TAF15: variants seen among roughly 807,000 people sequenced by gnomAD.
TAF15 encodes the protein TATA-box binding protein associated factor 15, also known as TATA-binding protein-associated factor 2N.
Under a neutral mutation model 102.5 loss-of-function variants are expected in TAF15, and 37 were observed. The observed-to-expected ratio is 0.36, with a 90% CI of 0.28 to 0.47. The LOEUF is 0.47. Among genes scored for constraint, TAF15 ranks in the 20% least tolerant of loss-of-function variants. The pLI, the probability that TAF15 is intolerant of heterozygous loss-of-function variation, is 0.99. For synonymous variants in TAF15, 273 were observed against 259.2 expected, an observed-to-expected ratio of 1.05 and a Z score of -0.51; for missense variants, 652 against 760.7, an observed-to-expected ratio of 0.86 and a Z score of 1.68.
intron 7 of TAF15, among the ~76,000 whole-genome samples, chr17:35,831,086 T>C (rs925052884): frequency 2.6e-5 from 4 of 152,158 alleles, no homozygotes; most frequent in African/African-American, 9.7e-5. Flanking sequence ...GCTGCTTTAT[T>C]TTCAAAGGAA....
chr17:35,829,692 G>T (rs137898950), intron 7 of TAF15, among the ~76,000 whole-genome samples: 16 of 138,368 alleles, frequency 1.2e-4, no homozygotes, highest in Non-Finnish European at 2.0e-4. Flanking sequence ...TTCTGTCAAA[G>T]AACTTTTTCT....
At chr17:35,819,450 C>T (rs1229324637) in intron 2 of TAF15, among the ~76,000 whole-genome samples, 2 of 152,142 alleles carry the variant, frequency 1.3e-5, no homozygotes, top group African/African-American at 4.8e-5. Flanking sequence ...GGCCCTGCTA[C>T]AATACTGAGG....
chr17:35,824,269 G>A (rs2087299667), intron 7 of TAF15, 71 bp downstream of exon 7: 1 of 1,578,658 alleles, frequency 6.3e-7, no homozygotes, highest in South Asian at 1.1e-5. Flanking sequence ...GTGTTACTTG[G>A]CTGGATCAAT....
At chr17:35,810,766 C>T (rs773247780) in intron 1 of TAF15, 2 of 152,136 alleles carry the variant, frequency 1.3e-5, no homozygotes, top group Non-Finnish European at 2.9e-5. Flanking sequence ...AATGAAGCAT[C>T]GATCTGAGAA....
At chr17:35,825,811 G>A (rs1743852950) in intron 7 of TAF15, among the ~76,000 whole-genome samples, 1 of 152,224 alleles carries the variant, frequency 6.6e-6, no homozygotes, top group East Asian at 1.9e-4. Flanking sequence ...AGCCAGACGT[G>A]GTGGCAGGCG....
chr17:35,826,359 T>A (rs2087326292), intron 7 of TAF15, among the ~76,000 whole-genome samples: 1 of 152,140 alleles, frequency 6.6e-6, no homozygotes, highest in Non-Finnish European at 1.5e-5. Context: ...TGCCGATTAC[T>A]CTTTATATTG....
intron 7 of TAF15, among the ~76,000 whole-genome samples, chr17:35,830,766 A>G (rs952695370): frequency 6.6e-6 from 1 of 152,232 alleles, no homozygotes; most frequent in Non-Finnish European, 1.5e-5. Context: ...AAATGTGCAT[A>G]TGAATTACTT....
chr17:35,811,193 T>C (rs180994004), intron 1 of TAF15: 32 of 152,364 alleles, frequency 2.1e-4, no homozygotes, highest in Non-Finnish European at 1.5e-5. Flanking sequence ...ATTATTGATA[T>C]AAAACAATGG....
At chr17:35,843,542 C>T (rs983754312) in intron 12 of TAF15, among the ~76,000 whole-genome samples, 2 of 152,038 alleles carry the variant, frequency 1.3e-5, no homozygotes, top group Non-Finnish European at 2.9e-5. Context: ...TGTCTTCTCA[C>T]CTAATCTTCT....
intron 7 of TAF15, among the ~76,000 whole-genome samples, chr17:35,828,436 A>G (rs879103382): frequency 1.3e-5 from 2 of 152,234 alleles, no homozygotes; most frequent in Non-Finnish European, 2.9e-5. Flanking sequence ...TGCAATCAAT[A>G]TAAAAAATTT....
At chr17:35,822,359 A>C (rs2087271444) in intron 5 of TAF15, among the ~76,000 whole-genome samples, 1 of 151,940 alleles carries the variant, frequency 6.6e-6, no homozygotes, top group South Asian at 2.1e-4. Context: ...AAAAAAAAAA[A>C]AAAGTTCAAG....
At chr17:35,811,405 A>T (rs1196941045) in intron 1 of TAF15, 1 of 152,244 alleles carries the variant, frequency 6.6e-6, no homozygotes, top group Non-Finnish European at 1.5e-5. Context: ...GCTACTTACT[A>T]GACGCTTGTT....
intron 6 of TAF15, 62 bp from the exon 7 acceptor site, chr17:35,824,016 T>A: frequency 1.2e-6 from 2 of 1,607,768 alleles, no homozygotes; most frequent in Non-Finnish European, 1.7e-6. Context: ...CCATTTAACA[T>A]TGTTATTTGA....
At chr17:35,843,694 A>G (rs893104495) in intron 12 of TAF15, among the ~76,000 whole-genome samples, 2 of 152,196 alleles carry the variant, frequency 1.3e-5, no homozygotes, top group African/African-American at 4.8e-5. Context: ...GAAGCATTTC[A>G]GGTTTTGGGT....
At chr17:35,829,322 A>T (rs181528948) in intron 7 of TAF15, among the ~76,000 whole-genome samples, 4 of 150,448 alleles carry the variant, frequency 2.7e-5, no homozygotes, top group African/African-American at 7.3e-5. Context: ...TTTTATTTTT[A>T]TTATTTTTTT....
chr17:35,845,371 C>T (rs146263188), intron 15 of TAF15, among the ~76,000 whole-genome samples: 121 of 152,312 alleles, frequency 7.9e-4, no homozygotes, highest in African/African-American at 2.6e-3. Context: ...ACTCCTGCCT[C>T]AGTCTCCCAA....
intron 9 of TAF15, among the ~76,000 whole-genome samples, chr17:35,835,485 G>A (rs748656354): frequency 5.3e-5 from 8 of 152,190 alleles, no homozygotes; most frequent in East Asian, 1.9e-4. Flanking sequence ...CTAAAAATTT[G>A]AAATCAGAAC....
intron 1 of TAF15, chr17:35,810,489 A>G (rs1289559169): frequency 6.6e-6 from 1 of 152,216 alleles, no homozygotes; most frequent in African/African-American, 2.4e-5. Flanking sequence ...GATTTAGCAG[A>G]TCTAGCTGTT....
Position 35,820,182 on chromosome 17 carries a change from C to G in TAF15, c.118C>G (p.Gln40Glu), listed in dbSNP as rs757807284. Residue 40 changes from glutamine to glutamate, a missense_variant, in exon 4 of 16, where the codon CAA (glutamine) becomes GAA (glutamate). By Grantham distance (29) the Gln-to-Glu change is conservative. Around this residue, in one of 3 missense-constraint regions of TAF15, gnomAD observed 243 missense variants for 284.1 expected, o/e 0.86. Transcript: ENST00000605844. ...ATTTCAGAGCTATTCTGGCTATGGG[C>G]AAACGACTGATTCCTCTTATGGACA... ...QASQSYSGYGQTTDSSYGQNY... is the reference protein window; with the variant it reads ...QASQSYSGYGETTDSSYGQNY... 2 of 1,614,080 alleles carry G rather than the reference C, an allele frequency of 1.2e-6. No homozygotes were observed. The highest frequency in any genetic ancestry group is 1.7e-6 in the Non-Finnish European group (2 of 1,179,962).
Sources: allele counts gnomAD v4.1 joint callset (sites outside exome capture counted in the v4.1 genomes callset), GRCh38; gene constraint gnomAD v4.1.1; regional missense constraint gnomAD v4.1.1; transcripts MANE v1.5; gene names NCBI Gene and HGNC (gene_info 2026-07-23, HGNC 2026-07-21).